C5: variants seen among roughly 807,000 people sequenced by gnomAD.
C5 encodes the protein C3 and PZP-like alpha-2-macroglobulin domain-containing protein 4.
In C5, 140 loss-of-function variants were observed where a neutral mutation model predicts 218.8. The ratio of observed to expected loss-of-function variants is 0.64; its 90% CI spans 0.56 to 0.74. The LOEUF is 0.74. Ranked by LOEUF, C5 falls within the 30% of genes least tolerant of loss-of-function variation. The pLI, the probability that C5 is intolerant of heterozygous loss-of-function variation, is 0.00. For synonymous variants in C5, 614 were observed against 682.3 expected (o/e 0.90, Z 1.56); for missense variants, 1,700 against 1,969.6 (o/e 0.86, Z 2.59).
the C5 span, among the ~76,000 whole-genome samples, chr9:121,058,687 C>G: frequency 2.0e-5 from 3 of 152,224 alleles, no homozygotes; most frequent in African/African-American, 7.2e-5. Flanking sequence ...GATCTACCCA[C>G]CTCGGCTTCC....
chr9:120,990,945 T>C (rs2047072514), intron 23 of C5, among the ~76,000 whole-genome samples: 1 of 152,122 alleles, frequency 6.6e-6, no homozygotes, highest in Admixed American at 6.6e-5. Context: ...TTTGAGCCAA[T>C]GACAGTCCCT....
intron 33 of C5, 144 bp downstream of exon 33, chr9:120,968,915 AAG>A: frequency 1.4e-6 from 1 of 701,340 alleles, no homozygotes; most frequent in Non-Finnish European, 2.5e-6. Flanking sequence ...GTAGCAATTT[AAG>A]AATATATATG....
chr9:121,001,885 A>T (rs1483611518), intron 20 of C5, among the ~76,000 whole-genome samples: 2 of 152,116 alleles, frequency 1.3e-5, no homozygotes, highest in Non-Finnish European at 2.9e-5. Flanking sequence ...CTACAGAAAT[A>T]TACATGTAGG....
chr9:120,956,237 T>A (rs1196905349), intron 39 of C5, among the ~76,000 whole-genome samples: 1 of 151,990 alleles, frequency 6.6e-6, no homozygotes, highest in Non-Finnish European at 1.5e-5. Context: ...GAGTTTGCAG[T>A]GAGCCAAGAT....
intron 20 of C5, among the ~76,000 whole-genome samples, chr9:121,004,305 CAAT>C (rs1169468650): frequency 1.3e-5 from 2 of 151,880 alleles, no homozygotes; most frequent in African/African-American, 4.8e-5. Context: ...TGGAATTTTA[CAAT>C]CATGAAATTT....
intron 10 of C5, among the ~76,000 whole-genome samples, chr9:121,022,921 C>T (rs546301007): frequency 2.6e-5 from 4 of 151,702 alleles, no homozygotes; most frequent in South Asian, 4.2e-4. Context: ...AATACAGAGA[C>T]GAGAGATTGA....
intron 2 of C5, among the ~76,000 whole-genome samples, chr9:121,043,845 T>C (rs559150463): frequency 6.6e-6 from 1 of 151,722 alleles, no homozygotes; most frequent in South Asian, 2.1e-4. Flanking sequence ...ACCGTGCCCA[T>C]GTGTCCAGCA....
At chr9:121,057,980 C>T in the C5 span, among the ~76,000 whole-genome samples, 8 of 152,170 alleles carry the variant, frequency 5.3e-5, no homozygotes, top group East Asian at 1.9e-4. Context: ...GCATTCTTCT[C>T]GCTTCTCAGT....
At chr9:121,074,843 G>T in the C5 span, 1 of 456,250 alleles carries the variant, frequency 2.2e-6, no homozygotes, top group Non-Finnish European at 4.4e-6. Flanking sequence ...GCATCCTAGC[G>T]CGCTGGCTGC....
At chr9:121,011,613 C>A (rs936675237) in intron 17 of C5, among the ~76,000 whole-genome samples, 1 of 152,194 alleles carries the variant, frequency 6.6e-6, no homozygotes, top group Non-Finnish European at 1.5e-5. Flanking sequence ...ATCTGGCAAT[C>A]CCACTGCTGG....
At chr9:121,058,956 C>T in the C5 span, among the ~76,000 whole-genome samples, 3 of 152,146 alleles carry the variant, frequency 2.0e-5, no homozygotes, top group Non-Finnish European at 4.4e-5. Flanking sequence ...GAAATGACCA[C>T]CAGGCAGATG....
intron 25 of C5, among the ~76,000 whole-genome samples, chr9:120,984,207 T>A (rs1284747042): frequency 4.9e-5 from 1 of 20,444 alleles, no homozygotes; most frequent in Non-Finnish European, 9.7e-5. Context: ...ATTTTAAAGA[T>A]TTTTTTTTTG....
chr9:121,043,104 T>A lies in C5; in HGVS notation c.321A>T (p.Val107=). ...NPVSYVYLEV[V]SKHFSKSKRM... ...TTTTTGATTTTGAAAAATGCTTTGA[T>A]ACAACTTCCAAATACACATAAGAAA... The change falls in exon 3 of 41, where the codon GTA becomes GTT. Residue 107 remains valine (V), a synonymous_variant. Coordinates refer to ENST00000223642, the MANE Select transcript of C5 (RefSeq NM_001735.3). 2 of 1,613,378 alleles carry A rather than the reference T, an allele frequency of 1.2e-6. No homozygotes were observed. Among genetic ancestry groups the A allele is most frequent in the South Asian group, 2.2e-5 (2 of 91,058 alleles).
intron 17 of C5, 46 bp downstream of exon 17, chr9:121,013,827 A>T: frequency 6.6e-7 from 1 of 1,518,394 alleles, no homozygotes; most frequent in African/African-American, 1.4e-5. Context: ...AATTACACAA[A>T]ATTCCCCATA....
At chr9:120,994,285 A>G (rs2047099627) in intron 22 of C5, among the ~76,000 whole-genome samples, 1 of 152,066 alleles carries the variant, frequency 6.6e-6, no homozygotes, top group Non-Finnish European at 1.5e-5. Context: ...ATTTCAATAT[A>G]TAAATATCAG....
chr9:121,004,727 C>T (rs41309888), intron 20 of C5, among the ~76,000 whole-genome samples: 1,743 of 151,868 alleles, frequency 0.011, 38 homozygotes, highest in African/African-American at 0.04. Flanking sequence ...GAGCGGAGAT[C>T]GCACCACTGC....
rs2047074568 is a variant in C5, at chr9:120,991,213, G to A, written c.2919C>T (p.Ile973=). 1 of 1,604,424 alleles carries A rather than the reference G, an allele frequency of 6.2e-7. No homozygotes were observed. Among genetic ancestry groups the A allele is most frequent in the East Asian group, 2.2e-5 (1 of 44,812 alleles). The part of the protein sequence containing the change: ...IPLDLVPKTE[I]KRILSVKGLL... Reference sequence around the variant, plus strand: ...TACCTTTTACACTCAAAATCCTTTTGATTTCTGTTTTGGGGACCAAATCTA... The same window carrying A: ...TACCTTTTACACTCAAAATCCTTTTAATTTCTGTTTTGGGGACCAAATCTA... The change falls in exon 23 of 41, where the codon ATC becomes ATT. Residue 973 remains isoleucine (I), a synonymous_variant. Coordinates refer to ENST00000223642, the MANE Select transcript of C5 (RefSeq NM_001735.3).
chr9:121,068,212 A>C, the C5 span, among the ~76,000 whole-genome samples: 1 of 152,250 alleles, frequency 6.6e-6, no homozygotes, highest in Non-Finnish European at 1.5e-5. Flanking sequence ...TGCAGATGAC[A>C]TAATTCTATA....
intron 1 of C5, among the ~76,000 whole-genome samples, 197 bp from the exon 2 acceptor site, chr9:121,046,580 C>T (rs1161626098): frequency 2.0e-5 from 3 of 152,196 alleles, no homozygotes; most frequent in South Asian, 4.2e-4. Flanking sequence ...GGAATTAAGA[C>T]CTGAGAAGCT....
Sources: allele counts gnomAD v4.1 joint callset (sites outside exome capture counted in the v4.1 genomes callset), GRCh38; gene constraint gnomAD v4.1.1; transcripts MANE v1.5; gene names NCBI Gene and HGNC (gene_info 2026-07-23, HGNC 2026-07-21).